ITFG2: variants seen among roughly 807,000 people sequenced by gnomAD.
ITFG2 encodes KICSTOR complex protein ITFG2.
ITFG2 carries 36 observed loss-of-function variants against 54.4 expected under a neutral mutation model. The ratio of observed to expected loss-of-function variants is 0.66; its 90% CI spans 0.51 to 0.87. The LOEUF (loss-of-function observed/expected upper bound fraction) is 0.87. ITFG2 is among the 40% of genes least tolerant of loss of function. The probability of loss-of-function intolerance (pLI) is 0.00; values close to 1 mark genes in which losing one functional copy is unlikely to be tolerated. For synonymous variants in ITFG2, 211 were observed against 225.4 expected (o/e 0.94, Z 0.57); for missense variants, 524 against 576.7 (o/e 0.91, Z 0.94).
At chr12:2,832,947 G>A (rs1376431946), upstream of ITFG2, among the ~76,000 whole-genome samples, 1 of 151,822 alleles carries the variant, frequency 6.6e-6, no homozygotes, top group Non-Finnish European at 1.5e-5. Flanking sequence ...TCTGGGATTG[G>A]CTGGAGAGAC....
Position 2,820,783 on chromosome 12 carries a change from G to A in ITFG2, c.606G>A (p.Gln202=). The A allele has an allele frequency of 6.2e-7, 1 of 1,614,064 alleles. No homozygotes were observed. Residue 202 remains glutamine, a synonymous_variant, in exon 6 of 12, where the codon CAG becomes CAA. Coordinates refer to ENST00000228799, the MANE Select transcript of ITFG2 (RefSeq NM_018463.4). ...PLGLPELMVS[Q]PGCAYAILLC... The stretch of plus-strand genomic sequence containing the variant: ...GTCTTCCTGAACTGATGGTGTCTCA[G>A]CCAGGTTGTGCGTATGCAATTCTAC...
chr12:2,818,108 C>T lies in ITFG2; in HGVS notation c.237C>T (p.Asn79=). The change falls in exon 4 of 12, where the codon AAC becomes AAT. Residue 79 remains asparagine, a splice_region_variant and synonymous_variant. Coordinates refer to ENST00000228799, the MANE Select transcript of ITFG2 (RefSeq NM_018463.4). ...GVGDVCNKGK[N]LLVAVSAEGW... is the part of the protein sequence containing the mutation. ...TACTATACCTCTGTTTGTCCTAGAA[C>T]CTGTTGGTGGCAGTGAGTGCTGAAG... 2 of 1,614,000 alleles carry T rather than the reference C, an allele frequency of 1.2e-6. No homozygotes were observed. Among genetic ancestry groups the T allele is most frequent in the Non-Finnish European group, 8.5e-7 (1 of 1,179,880 alleles).
At chr12:2,818,607 G>A in intron 4 of ITFG2, 1 of 402,060 alleles carries the variant, frequency 2.5e-6, no homozygotes, top group South Asian at 2.2e-5. Flanking sequence ...AGGCTGTAGT[G>A]AGCTATGATC....
At chr12:2,837,477 CA>C (rs148729301) in intron 1 of ITFG2, among the ~76,000 whole-genome samples, 3 of 140,646 alleles carry the variant, frequency 2.1e-5, no homozygotes, top group South Asian at 2.2e-4. Context: ...GACTCCGTCT[CA>C]AAAAAAAAAT....
chr12:2,846,528 TCACTTCTCGACGGGCTTCACTTTG>T (rs2098053802), intron 2 of ITFG2, among the ~76,000 whole-genome samples: 1 of 152,088 alleles, frequency 6.6e-6, no homozygotes, highest in Admixed American at 6.6e-5. Context: ...CCGGAGCAAG[TCACTTCTCGACGGGCTTCACTTTG>T]CCCATCTGAA....
chr12:2,817,549 C>T, intron 2 of ITFG2: 2 of 551,454 alleles, frequency 3.6e-6, no homozygotes, highest in Admixed American at 3.2e-5. Flanking sequence ...TCGTGGAGTA[C>T]TCCTTGACAC....
At chr12:2,812,943 G>C (rs1032778177) in intron 1 of ITFG2, 87 bp downstream of exon 1, 1 of 1,126,246 alleles carries the variant, frequency 8.9e-7, no homozygotes, top group African/African-American at 1.5e-5. Flanking sequence ...AGCGTGCCAC[G>C]TGAGCGTGAG....
downstream of ITFG2, chr12:2,827,780 C>G (rs2097976071): frequency 8.7e-6 from 14 of 1,606,412 alleles, no homozygotes; most frequent in East Asian, 2.2e-5. This position sits in a 1 kb window ranked among gnomAD's most constrained non-coding sequence, Gnocchi z 4.0. Flanking sequence ...ATCCCCAGAT[C>G]CGAGGACACT....
chr12:2,829,078 G>T (rs1377649174), downstream of ITFG2, among the ~76,000 whole-genome samples: 1 of 152,138 alleles, frequency 6.6e-6, no homozygotes, highest in Non-Finnish European at 1.5e-5. Flanking sequence ...ATATGTGATG[G>T]GTTCATAAGT....
intron 1 of ITFG2, among the ~76,000 whole-genome samples, chr12:2,838,887 A>G (rs1303337061): frequency 6.6e-6 from 1 of 152,112 alleles, no homozygotes; most frequent in Non-Finnish European, 1.5e-5. Context: ...CTTTGCTGTG[A>G]TAGTGAAGAA....
At chr12:2,846,146 G>A (rs566219420) in intron 2 of ITFG2, among the ~76,000 whole-genome samples, 204 of 152,312 alleles carry the variant, frequency 1.3e-3, no homozygotes, top group Non-Finnish European at 2.2e-3. Flanking sequence ...AAGAGAGCCT[G>A]GATACTGCTG....
chr12:2,859,220 G>A, intron 3 of ITFG2: 1 of 1,613,138 alleles, frequency 6.2e-7, no homozygotes, highest in East Asian at 2.2e-5. Flanking sequence ...CTGCGGCCCA[G>A]CGGGAAGTAC....
At position 2,852,242 on chromosome 12, in the gene ITFG2, A is replaced by G. The variant is rs142232361; in HGVS notation, n.301-5770A>G. Among the ~76,000 whole-genome samples the G allele has an allele frequency of 2.2e-3, 334 of 152,302 alleles. 2 individuals are homozygous for G. The highest frequency in any genetic ancestry group is 7.7e-3 in the African/African-American group (318 of 41,564). On this transcript the variant is annotated intron_variant and non_coding_transcript_variant, in intron 2 of 3. Transcript: ENST00000537710. ...GGGCCTACAGCAGTAAACATGTGAG[A>G]CAAGGATCCTACTGTCATGGAGATA...
chr12:2,848,990 G>A (rs1047487283), intron 2 of ITFG2: 5 of 496,532 alleles, frequency 1.0e-5, no homozygotes, highest in East Asian at 3.7e-5. Context: ...CCTCCTGGCC[G>A]CAGTCCTCCC....
intron 3 of ITFG2, chr12:2,859,281 A>G: frequency 6.2e-7 from 1 of 1,613,686 alleles, no homozygotes; most frequent in Non-Finnish European, 8.5e-7. Context: ...GGGAGGCAGT[A>G]GATGCTGTTT....
At chr12:2,834,844 G>A, upstream of ITFG2, 1 of 1,613,804 alleles carries the variant, frequency 6.2e-7, no homozygotes, top group East Asian at 2.2e-5. Context: ...GGCCCCTGCT[G>A]GAGGAGTGGG....
At chr12:2,818,435 G>A in intron 4 of ITFG2, 158 bp downstream of exon 4, 3 of 1,438,090 alleles carry the variant, frequency 2.1e-6, no homozygotes, top group Non-Finnish European at 1.9e-6. Context: ...TCAAGGCACT[G>A]GAATTGCCAT....
intron 4 of ITFG2, chr12:2,819,831 G>A (rs1603482926): frequency 3.0e-6 from 1 of 334,152 alleles, no homozygotes; most frequent in African/African-American, 2.1e-5. Context: ...TACGTGGGAT[G>A]AATTGGGACA....
exon 4 of ITFG2, chr12:2,859,706 C>T (rs756834215): frequency 4.9e-5 from 71 of 1,438,144 alleles, no homozygotes; most frequent in Admixed American, 1.2e-4. Flanking sequence ...GGTCACCAGA[C>T]AGGACGCACA....
Sources: allele counts gnomAD v4.1 joint callset (sites outside exome capture counted in the v4.1 genomes callset), GRCh38; gene constraint gnomAD v4.1.1; non-coding constraint Gnocchi (gnomAD v3.1); transcripts MANE v1.5; gene names NCBI Gene and HGNC (gene_info 2026-07-23, HGNC 2026-07-21).